CBFA2T3: variants seen among roughly 807,000 people sequenced by gnomAD.
CBFA2T3 encodes CBFA2/RUNX1 partner transcriptional co-repressor 3.
In CBFA2T3, 31 loss-of-function variants were observed where a neutral mutation model predicts 58.6. The observed-to-expected ratio is 0.53, with a 90% CI of 0.40 to 0.71. CBFA2T3 has a LOEUF of 0.71. Among genes scored for constraint, CBFA2T3 ranks in the 30% least tolerant of loss-of-function variants. The pLI, the probability that CBFA2T3 is intolerant of heterozygous loss-of-function variation, is 0.00. For synonymous variants in CBFA2T3, 531 were observed against 421.9 expected, an observed-to-expected ratio of 1.26 and a Z score of -3.17; for missense variants, 1,076 against 963.1, an observed-to-expected ratio of 1.12 and a Z score of -1.55.
intron 3 of CBFA2T3, among the ~76,000 whole-genome samples, chr16:88,893,443 A>C (rs1969733878): frequency 6.6e-6 from 1 of 152,128 alleles, no homozygotes; most frequent in African/African-American, 2.4e-5. Context: ...GCAATGTCCC[A>C]GACAGGTGAC....
At chr16:88,972,386 G>A (rs939144590) in intron 1 of CBFA2T3, among the ~76,000 whole-genome samples, 4 of 152,154 alleles carry the variant, frequency 2.6e-5, no homozygotes, top group Non-Finnish European at 4.4e-5. Flanking sequence ...AGGACTTCCT[G>A]CCTCTGTGGA....
rs1021189993 is a variant in CBFA2T3, at chr16:88,874,988, G to C, written c.*1988C>G. The C allele has an allele frequency of 4.3e-6, 1 of 233,516 alleles. No individual in the cohort carries two copies. Among genetic ancestry groups the C allele is most frequent in the Non-Finnish European group, 8.5e-6 (1 of 118,022 alleles). 14.5% of individuals were successfully genotyped at this position (233,516 alleles called of 1,614,324 possible). ...GCTTCAGGCCTCTGGCGGGCTGTTC[G>C]TGGCTGGTTCAGTAGCTGGGTCACT... is the stretch of plus-strand genomic sequence containing the variant. On this transcript the variant is annotated 3_prime_UTR_variant, in exon 12 of 12. Coordinates refer to ENST00000268679, the MANE Select transcript of CBFA2T3 (RefSeq NM_005187.6).
intron 1 of CBFA2T3, among the ~76,000 whole-genome samples, chr16:88,929,288 T>C (rs1971196657): frequency 6.6e-6 from 1 of 152,126 alleles, no homozygotes; most frequent in Non-Finnish European, 1.5e-5. Flanking sequence ...GCAAACGGCA[T>C]CCATCACCGG....
intron 1 of CBFA2T3, among the ~76,000 whole-genome samples, chr16:88,906,482 G>A (rs778005341): frequency 2.0e-5 from 3 of 151,996 alleles, no homozygotes; most frequent in Non-Finnish European, 4.4e-5. Flanking sequence ...AGGTGAATAA[G>A]TCATCAAACC....
At position 88,882,773 on chromosome 16, in the gene CBFA2T3, G is replaced by T. The variant is rs1159294249; in HGVS notation, c.1118-12C>A. The T allele has an allele frequency of 1.3e-6, 2 of 1,539,468 alleles. No homozygotes were observed. Among genetic ancestry groups the T allele is most frequent in the South Asian group, 1.2e-5 (1 of 84,838 alleles). On this transcript the variant is annotated splice_polypyrimidine_tract_variant and intron_variant, in intron 7 of 11. Coordinates refer to ENST00000268679, the MANE Select transcript of CBFA2T3 (RefSeq NM_005187.6). ...GGACCCAGGCACCACTGTGGATGGG[G>T]GAGGTGCACGCTTAGGTCCCACCCA... is the stretch of plus-strand genomic sequence containing the variant.
Position 88,880,770 on chromosome 16 carries a change from A to G in CBFA2T3, c.1421T>C (p.Leu474Pro), listed in dbSNP as rs1288806932. The G allele has an allele frequency of 6.3e-7, 1 of 1,585,404 alleles. No individual in the cohort carries two copies. The highest frequency in any genetic ancestry group is 1.1e-5 in the South Asian group (1 of 87,098). The change falls in exon 10 of 12, where the codon CTG (leucine) becomes CCG (proline). Residue 474 changes from leucine (L) to proline (P), a missense_variant. Transcript: ENST00000268679. Reference sequence around the variant, plus strand: ...CACGTAGCCGGTGAGGGTCCTCGGCAGGAACTCGCGAGGCACGTCTGAAAC... The same window carrying G: ...CACGTAGCCGGTGAGGGTCCTCGGCGGGAACTCGCGAGGCACGTCTGAAAC... ...GPQLDVPREFLPRTLTGYVPE... is the reference protein window; with the variant it reads ...GPQLDVPREFPPRTLTGYVPE...
At chr16:88,916,333 T>TGC (rs1491345620) in intron 1 of CBFA2T3, among the ~76,000 whole-genome samples, 9 of 151,718 alleles carry the variant, frequency 5.9e-5, no homozygotes, top group African/African-American at 2.2e-4. Context: ...CGTGTATTCA[T>TGC]GTGTGTGCAT....
chr16:88,881,197 G>A (rs1487647404), intron 9 of CBFA2T3, 94 bp downstream of exon 9: 5 of 1,084,536 alleles, frequency 4.6e-6, no homozygotes, highest in Non-Finnish European at 5.6e-6. Flanking sequence ...TGTTCTGCCT[G>A]GTGTTTCGTT....
intron 5 of CBFA2T3, among the ~76,000 whole-genome samples, chr16:88,887,533 G>A (rs1047853789): frequency 1.1e-4 from 16 of 152,248 alleles, no homozygotes; most frequent in Admixed American, 6.5e-5. Context: ...CTTGGGCTGC[G>A]TGTGGGGCAG....
intron 5 of CBFA2T3, among the ~76,000 whole-genome samples, chr16:88,889,151 G>A (rs1168259992): frequency 6.6e-6 from 1 of 151,732 alleles, no homozygotes; most frequent in African/African-American, 2.4e-5. Flanking sequence ...CAAGTTAAAA[G>A]AAGGGAAGGG....
At chr16:88,943,637 T>C (rs998828215) in intron 1 of CBFA2T3, among the ~76,000 whole-genome samples, 1 of 152,206 alleles carries the variant, frequency 6.6e-6, no homozygotes, top group African/African-American at 2.4e-5. Flanking sequence ...TGGCAGTAGC[T>C]GGCACAGAGC....
chr16:88,966,344 G>A (rs1313807164), intron 1 of CBFA2T3, among the ~76,000 whole-genome samples: 1 of 152,202 alleles, frequency 6.6e-6, no homozygotes, highest in Non-Finnish European at 1.5e-5. Flanking sequence ...CGGGGTAGGG[G>A]GGTGGCAGCC....
intron 1 of CBFA2T3, chr16:88,938,980 G>A (rs1971608249): frequency 9.9e-5 from 15 of 152,186 alleles, no homozygotes; most frequent in Admixed American, 8.5e-4. Flanking sequence ...AGGCGGCAGC[G>A]GCGAGGCCCG....
intron 1 of CBFA2T3, among the ~76,000 whole-genome samples, chr16:88,954,157 T>A (rs1487953749): frequency 6.6e-6 from 1 of 152,058 alleles, no homozygotes; most frequent in Non-Finnish European, 1.5e-5. Context: ...CTGACCACAG[T>A]GGGCTCCCCC....
chr16:88,877,131 C>T lies in CBFA2T3; in HGVS notation c.1807G>A (p.Val603Met). 6.5e-7 allele frequency: 1 copy of T among 1,549,456 alleles called. No homozygotes were observed. Among genetic ancestry groups the T allele is most frequent in the South Asian group, 1.2e-5 (1 of 84,052 alleles). ...GQSLQGPTAV[V>M]ADPVPGPPEA... is the part of the protein sequence containing the mutation. Reference sequence around the variant, plus strand: ...GGCGGTCCAGGCACCGGGTCGGCCACCACGGCTGTGGGGCCCTGCAGGCTC... The same window carrying T: ...GGCGGTCCAGGCACCGGGTCGGCCATCACGGCTGTGGGGCCCTGCAGGCTC... Residue 603 changes from valine (V) to methionine (M), a missense_variant, in exon 12 of 12, where the codon GTG becomes ATG. Coordinates refer to ENST00000268679, the MANE Select transcript of CBFA2T3 (RefSeq NM_005187.6).
chr16:88,961,047 G>C (rs1007071955), intron 1 of CBFA2T3, among the ~76,000 whole-genome samples: 3 of 152,218 alleles, frequency 2.0e-5, no homozygotes, highest in African/African-American at 2.4e-5. Flanking sequence ...ATCCAGAGAG[G>C]CTGTGAGACC....
chr16:88,919,442 G>A (rs1008334488), intron 1 of CBFA2T3, among the ~76,000 whole-genome samples: 4 of 152,238 alleles, frequency 2.6e-5, no homozygotes, highest in Non-Finnish European at 4.4e-5. Context: ...TTTCTTTGCA[G>A]CACCAGGGAA....
At chr16:88,949,907 G>A (rs1211821807) in intron 1 of CBFA2T3, among the ~76,000 whole-genome samples, 1 of 152,102 alleles carries the variant, frequency 6.6e-6, no homozygotes, top group Non-Finnish European at 1.5e-5. Flanking sequence ...CTATTGGGGA[G>A]GCTGAGGCAG....
At chr16:88,899,570 C>G (rs544690225) in intron 2 of CBFA2T3, among the ~76,000 whole-genome samples, 2 of 152,154 alleles carry the variant, frequency 1.3e-5, no homozygotes, top group African/African-American at 2.4e-5. Flanking sequence ...CCCTCACATC[C>G]GTTCACAGGT....
Sources: gnomAD v4.1 joint callset for allele counts (sites outside exome capture counted in the v4.1 genomes callset) on GRCh38, gnomAD v4.1.1 for gene constraint, MANE v1.5 for transcripts, NCBI Gene and HGNC (gene_info 2026-07-23, HGNC 2026-07-21) for gene names.